ARV1: variants seen among roughly 807,000 people sequenced by gnomAD.
The protein encoded by ARV1 is protein ARV1.
In ARV1, 26 loss-of-function variants were observed where a neutral mutation model predicts 31.1. The observed-to-expected ratio is 0.84, with a 90% CI of 0.61 to 1.16. ARV1 has a LOEUF of 1.16. ARV1 is among the 50% of genes most tolerant of loss of function. The pLI is 0.00. For synonymous variants in ARV1, 117 were observed against 123.2 expected, an observed-to-expected ratio of 0.95 and a Z score of 0.34; for missense variants, 281 against 324.9, an observed-to-expected ratio of 0.86 and a Z score of 1.04.
chr1:230,997,835 C>T (rs530797292), intron 5 of ARV1, among the ~76,000 whole-genome samples: 1 of 152,272 alleles, frequency 6.6e-6, no homozygotes, highest in African/African-American at 2.4e-5. Flanking sequence ...TAGAGAGCCT[C>T]GCAGTGTTTC....
intron 1 of ARV1, among the ~76,000 whole-genome samples, chr1:230,986,194 A>T (rs1478695549): frequency 6.6e-6 from 1 of 151,968 alleles, no homozygotes; most frequent in Non-Finnish European, 1.5e-5. Flanking sequence ...AAGTGCTGGG[A>T]TTACAGGCAT....
intron 1 of ARV1, among the ~76,000 whole-genome samples, chr1:230,984,369 T>TGTGC (rs1553303978): frequency 1.2e-4 from 11 of 88,460 alleles, no homozygotes; most frequent in South Asian, 8.5e-4. Flanking sequence ...TGTGCGTGTG[T>TGTGC]GTGTGTGTGT....
In ARV1 at chr1:230,996,904, TGAG is replaced by T. The variant is rs1429928902; in HGVS notation, c.674-213_674-211del. On this transcript the variant is annotated intron_variant, in intron 4 of 5. Coordinates refer to ENST00000310256, the MANE Select transcript of ARV1 (RefSeq NM_022786.3). ...ATTCACGGGAATCTGCCGCTTGATA[TGAG>T]GAGAAGGGGCTCAGTGTTTTGTTGT... Among the ~76,000 whole-genome samples, 5 of 152,298 alleles carry T rather than the reference TGAG, an allele frequency of 3.3e-5. No homozygotes were observed. In the South Asian group the frequency reaches 6.2e-4, roughly 19 times the overall value.
intron 1 of ARV1, among the ~76,000 whole-genome samples, chr1:230,985,676 G>A (rs1679046137): frequency 6.6e-6 from 1 of 152,184 alleles, no homozygotes; most frequent in African/African-American, 2.4e-5. Context: ...GACAGAGAGA[G>A]GACCCCTGAC....
intron 4 of ARV1, among the ~76,000 whole-genome samples, chr1:230,996,435 T>C (rs1679370655): frequency 1.3e-5 from 2 of 152,094 alleles, no homozygotes; most frequent in Admixed American, 6.6e-5. Context: ...ATAGTGCTAT[T>C]TTATTTATTT....
intron 3 of ARV1, among the ~76,000 whole-genome samples, chr1:230,994,307 G>T (rs1194564994): frequency 6.6e-6 from 1 of 152,204 alleles, no homozygotes; most frequent in Non-Finnish European, 1.5e-5. Context: ...GTAGCTTTGA[G>T]TGTCTCCAGT....
intron 2 of ARV1, among the ~76,000 whole-genome samples, chr1:230,989,172 T>C (rs1558243660): frequency 6.6e-6 from 1 of 152,190 alleles, no homozygotes; most frequent in Non-Finnish European, 1.5e-5. Flanking sequence ...GGAGTCTTGC[T>C]CTGTCACCCA....
intron 1 of ARV1, among the ~76,000 whole-genome samples, chr1:230,985,750 G>A (rs535409187): frequency 3.3e-4 from 50 of 152,270 alleles, no homozygotes; most frequent in African/African-American, 1.0e-3. Flanking sequence ...CATGTAGAAA[G>A]GAAGGAGATG....
chr1:230,990,198 CT>C lies in ARV1; in HGVS notation c.384del (p.Asp129MetfsTer3). ...QLQDSNQNTAPDDLIRYAKEW... is the reference protein window; with the variant it reads ...QLQDSNQNTAXDDLIRYAKEW... Reference sequence around the variant, plus strand: ...CAAGATTCCAACCAGAATACTGCCCCTGATGACTTGATCAGATATGCTAAGG... The same window carrying C: ...CAAGATTCCAACCAGAATACTGCCCCGATGACTTGATCAGATATGCTAAGG... On this transcript the variant is annotated frameshift_variant, in exon 3 of 6. Transcript: ENST00000310256. LOFTEE classifies it high-confidence loss of function. 1.9e-6 allele frequency: 3 copies of C among 1,613,264 alleles called. No homozygotes were observed. Among genetic ancestry groups the C allele is most frequent in the Non-Finnish European group, 2.5e-6 (3 of 1,179,862 alleles).
chr1:230,982,487 A>G (rs929763030), intron 1 of ARV1, among the ~76,000 whole-genome samples: 1 of 152,228 alleles, frequency 6.6e-6, no homozygotes, highest in African/African-American at 2.4e-5. Flanking sequence ...CAAAATAATT[A>G]TTGGATAGCT....
chr1:230,988,950 T>C (rs918319412), intron 2 of ARV1, among the ~76,000 whole-genome samples: 3 of 152,182 alleles, frequency 2.0e-5, no homozygotes, highest in African/African-American at 7.2e-5. Flanking sequence ...AATTGTGAGC[T>C]CTTTAATAGT....
intron 5 of ARV1, among the ~76,000 whole-genome samples, chr1:230,997,950 C>T (rs552128380): frequency 5.3e-5 from 8 of 152,300 alleles, no homozygotes; most frequent in African/African-American, 1.7e-4. Flanking sequence ...GGCCATACCT[C>T]GATTGTTCTG....
At position 231,000,285 on chromosome 1, in the gene ARV1, G is replaced by A. The variant is rs763271166; in HGVS notation, c.*152G>A. ...GAAAAAGAAAGCAATGATAATAGCG[G>A]TGGATACCCACCCCCACAAATGCAC... On this transcript the variant is annotated 3_prime_UTR_variant, in exon 6 of 6. Transcript: ENST00000310256. 2.0e-5 allele frequency: 3 copies of A among 152,236 alleles called. No homozygotes were observed. Among genetic ancestry groups the A allele is most frequent in the East Asian group, 3.9e-4 (2 of 5,194 alleles). The allele number at this position is 152,236 out of a possible 1,614,324, so 9.4% of individuals were successfully genotyped here.
rs139550684 is a variant in ARV1, at chr1:230,993,082, A to G, written c.449-2678A>G. Among the ~76,000 whole-genome samples, 1,208 of 152,250 alleles carry G rather than the reference A, an allele frequency of 7.9e-3. 13 individuals are homozygous for G. Among genetic ancestry groups the G allele is most frequent in the African/African-American group, 0.026 (1,090 of 41,548 alleles). On this transcript the variant is annotated intron_variant, in intron 3 of 5. Coordinates refer to ENST00000310256, the MANE Select transcript of ARV1 (RefSeq NM_022786.3). ...AAACCTTAAAGCAAAGCCTCTTAAAAATTTTTTTTAATTTTTATTTTTTTA... is the reference window on the plus strand; with the variant it reads ...AAACCTTAAAGCAAAGCCTCTTAAAGATTTTTTTTAATTTTTATTTTTTTA...
chr1:230,988,892 T>G (rs753336256), intron 2 of ARV1, among the ~76,000 whole-genome samples: 22 of 152,218 alleles, frequency 1.4e-4, no homozygotes, highest in Non-Finnish European at 2.5e-4. Context: ...TTAATCAAAG[T>G]CCTGATTTAT....
At chr1:230,998,043 G>T (rs1558247415) in intron 5 of ARV1, among the ~76,000 whole-genome samples, 2 of 152,212 alleles carry the variant, frequency 1.3e-5, no homozygotes, top group Admixed American at 6.5e-5. Flanking sequence ...CTTCACGTCA[G>T]TTCGTCTTCG....
intron 5 of ARV1, among the ~76,000 whole-genome samples, chr1:230,999,206 C>T (rs1425953830): frequency 6.6e-6 from 1 of 152,190 alleles, no homozygotes; most frequent in African/African-American, 2.4e-5. Flanking sequence ...CTGCCATTAC[C>T]TCAAGTGTCC....
At chr1:230,998,137 G>T (rs2103058235) in intron 5 of ARV1, among the ~76,000 whole-genome samples, 1 of 152,218 alleles carries the variant, frequency 6.6e-6, no homozygotes, top group South Asian at 2.1e-4. Context: ...TGACCTGTGG[G>T]TGTTCCCCTC....
rs1679342019 is a variant in ARV1 at position 230,995,731 on chromosome 1, C to G, written c.449-29C>G. On this transcript the variant is annotated intron_variant, in intron 3 of 5. Coordinates refer to ENST00000310256, the MANE Select transcript of ARV1 (RefSeq NM_022786.3). ...GGGATATATTTTGGATGGGGACATT[C>G]ATACTTTTATTTTCCATTTCTTCTT... The G allele has an allele frequency of 9.6e-6, 15 of 1,556,990 alleles. No homozygotes were observed. In the Middle Eastern group the frequency reaches 1.7e-3, roughly 181 times the overall value.
Sources: gnomAD v4.1 joint callset for allele counts (sites outside exome capture counted in the v4.1 genomes callset) on GRCh38, gnomAD v4.1.1 for gene constraint, MANE v1.5 for transcripts, NCBI Gene and HGNC (gene_info 2026-07-23, HGNC 2026-07-21) for gene names.